Variants in POP4 observed in about 807,000 individuals in gnomAD.
The protein encoded by POP4 is POP4 ribonuclease P/MRP subunit.
Under a neutral mutation model 29.9 loss-of-function variants are expected in POP4, and 31 were observed. The ratio of observed to expected loss-of-function variants is 1.04; its 90% confidence interval spans 0.78 to 1.40. The LOEUF is 1.40. POP4 is among the 40% of genes most tolerant of loss of function. POP4 has a pLI of 0.00. For missense variants in POP4, 286 were observed against 282.7 expected, an observed-to-expected ratio of 1.01 and a Z score of -0.08; for synonymous variants, 110 against 108.2, an observed-to-expected ratio of 1.02 and a Z score of -0.10.
Position 29,615,556 on chromosome 19 carries a change from A to G in POP4, c.*176A>G. ...GGGAAGGTCGCAGCGTACTAAGTGA[A>G]GAAGTCAGAGGACAGAGGAATTTCT... On this transcript the variant is annotated 3_prime_UTR_variant, in exon 7 of 7. Transcript: ENST00000585603. 1.7e-6 allele frequency: 1 copy of G among 587,584 alleles called. No individual in the cohort carries two copies. Among genetic ancestry groups the G allele is most frequent in the Non-Finnish European group, 2.8e-6 (1 of 356,888 alleles). 36.4% of individuals were successfully genotyped at this position (587,584 alleles called of 1,614,324 possible).
At chr19:29,613,780 G>T (rs917145193) in intron 5 of POP4, 91 bp from the exon 6 acceptor site, 1 of 1,517,792 alleles carries the variant, frequency 6.6e-7, no homozygotes, top group South Asian at 1.3e-5. Flanking sequence ...CAGAGGGTGG[G>T]ATCAGCACCC....
intron 2 of POP4, 112 bp from the exon 3 acceptor site, chr19:29,610,297 A>C: frequency 1.0e-6 from 1 of 955,580 alleles, no homozygotes; most frequent in Non-Finnish European, 1.5e-6. Context: ...AGGTAAAGGG[A>C]TGGGCCCCAT....
At chr19:29,614,393 G>A (rs1007047468) in intron 6 of POP4, among the ~76,000 whole-genome samples, 5 of 152,192 alleles carry the variant, frequency 3.3e-5, no homozygotes, top group African/African-American at 4.8e-5. Context: ...GGTTCCATCC[G>A]TGGCCAGCAT....
chr19:29,610,729 A>G lies in POP4; in HGVS notation c.284+97A>G, dbSNP rs530331573. The G allele has an allele frequency of 3.8e-5, 46 of 1,226,628 alleles. No homozygotes were observed. In the South Asian group the frequency reaches 6.2e-4, roughly 17 times the overall value. The allele number at this position is 1,226,628 out of a possible 1,614,324, so 76.0% of individuals were successfully genotyped here. Reference sequence around the variant, plus strand: ...CTGGGGAGGCAGCCTGGCTCCACCTAAGCTAAGGGGGCCTCTCTGTCGTCT... The same window carrying G: ...CTGGGGAGGCAGCCTGGCTCCACCTGAGCTAAGGGGGCCTCTCTGTCGTCT... On this transcript the variant is annotated intron_variant, in intron 3 of 6. Coordinates refer to ENST00000585603, the MANE Select transcript of POP4 (RefSeq NM_006627.3).
At chr19:29,615,169 C>T in intron 6 of POP4, 75 bp from the exon 7 acceptor site, 1 of 1,406,658 alleles carries the variant, frequency 7.1e-7, no homozygotes, top group South Asian at 1.5e-5. Flanking sequence ...GAATAATATT[C>T]TACCTAAAAG....
chr19:29,611,723 C>T (rs1458451427), intron 3 of POP4, 139 bp from the exon 4 acceptor site: 4 of 693,382 alleles, frequency 5.8e-6, no homozygotes, highest in Non-Finnish European at 1.0e-5. Context: ...AGCTCAATTG[C>T]TCATCGTCGG....
chr19:29,612,083 T>G (rs1378756695), intron 4 of POP4, 34 bp from the exon 5 acceptor site: 23 of 1,595,318 alleles, frequency 1.4e-5, no homozygotes, highest in Non-Finnish European at 1.6e-5. Flanking sequence ...CTTTTTATCA[T>G]GATGTAAACC....
At chr19:29,614,264 C>T (rs1971106484) in intron 6 of POP4, among the ~76,000 whole-genome samples, 1 of 152,238 alleles carries the variant, frequency 6.6e-6, no homozygotes, top group Non-Finnish European at 1.5e-5. Flanking sequence ...AGGAGAGGGC[C>T]TCCACCTGCC....
In POP4 at chr19:29,608,267, T is replaced by C. The variant is rs868511557; in HGVS notation, c.8-390T>C. On this transcript the variant is annotated intron_variant, in intron 1 of 6. Transcript: ENST00000585603. ...ATTTTCTTTTCTTTTCTTTTCTTTTTTTTTTTTTTTTTTTTTTGAGACAGA... is the reference window on the plus strand; with the variant it reads ...ATTTTCTTTTCTTTTCTTTTCTTTTCTTTTTTTTTTTTTTTTTGAGACAGA... Among the ~76,000 whole-genome samples, 6 of 125,982 alleles carry C rather than the reference T, an allele frequency of 4.8e-5. No homozygotes were observed. The South Asian group carries it at 8.9e-4, about 19-fold the overall frequency. The allele number at this position is 125,982 out of a possible 152,430, so 82.6% of individuals were successfully genotyped here.
In POP4 at chr19:29,615,428, A is replaced by C; in HGVS notation, c.*48A>C. 6.3e-7 allele frequency: 1 copy of C among 1,587,736 alleles called. No homozygotes were observed. Among genetic ancestry groups the C allele is most frequent in the Non-Finnish European group, 8.6e-7 (1 of 1,163,254 alleles). The stretch of plus-strand genomic sequence containing the variant: ...TGTTTATGACAGCTGAAAACTGGAC[A>C]CTCCCTAAATGTCCACCTTTCAGTG... On this transcript the variant is annotated 3_prime_UTR_variant, in exon 7 of 7. Coordinates refer to ENST00000585603, the MANE Select transcript of POP4 (RefSeq NM_006627.3).
chr19:29,612,072 A>T, intron 4 of POP4, 45 bp from the exon 5 acceptor site: 1 of 1,591,804 alleles, frequency 6.3e-7, no homozygotes, highest in Non-Finnish European at 8.5e-7. Flanking sequence ...TTCTTTTGGA[A>T]CTTTTTATCA....
chr19:29,608,803 TC>T, intron 2 of POP4, 94 bp downstream of exon 2: 1 of 1,181,802 alleles, frequency 8.5e-7, no homozygotes, highest in Non-Finnish European at 1.3e-6. Context: ...AGATGTCCTT[TC>T]CCACATCATA....
rs1453931483 is a variant in POP4 at position 29,615,933 on chromosome 19, A to T, written c.*553A>T. ...TGCTATTTCAGGAAGGTTGAAGAGG[A>T]TTGAAGGGTGAGTTGCTAAGTGACT... On this transcript the variant is annotated 3_prime_UTR_variant, in exon 7 of 7. Coordinates refer to ENST00000585603, the MANE Select transcript of POP4 (RefSeq NM_006627.3). 2 of 152,636 alleles carry T rather than the reference A, an allele frequency of 1.3e-5. No homozygotes were observed. The highest frequency in any genetic ancestry group is 4.8e-5 in the African/African-American group (2 of 41,444). 9.5% of individuals were successfully genotyped at this position (152,636 alleles called of 1,614,324 possible). A position where few individuals can be genotyped will look rare whatever the true frequency, so the allele number is the denominator to read the frequency against.
At position 29,613,679 on chromosome 19, in the gene POP4, C is replaced by T. The variant is rs751913240; in HGVS notation, c.425-192C>T. 92 of 835,264 alleles carry T rather than the reference C, an allele frequency of 1.1e-4. 1 individual carries two copies. The highest frequency in any genetic ancestry group is 1.5e-4 in the Non-Finnish European group (82 of 564,372). The allele number at this position is 835,264 out of a possible 1,614,324, so 51.7% of individuals were successfully genotyped here. On this transcript the variant is annotated intron_variant, in intron 5 of 6. Transcript: ENST00000585603. ...AGGAACAGTCCAGAGGCTGCAAAGC[C>T]CCAGGGGAAGCCTGGATTCTTGTTG...
chr19:29,608,766 T>A, intron 2 of POP4, 57 bp downstream of exon 2: 5 of 1,482,722 alleles, frequency 3.4e-6, no homozygotes, highest in South Asian at 1.1e-5. Context: ...GATGGCTCAG[T>A]AGCTTCTGAG....
chr19:29,608,262 C>CTTTTTTTTTTTTTT lies in POP4; in HGVS notation c.8-386_8-373dup, dbSNP rs1164860504. The stretch of plus-strand genomic sequence containing the variant: ...TAGTTATTTTCTTTTCTTTTCTTTT[C>CTTTTTTTTTTTTTT]TTTTTTTTTTTTTTTTTTTTTTGAG... On this transcript the variant is annotated intron_variant, in intron 1 of 6. Transcript: ENST00000585603. 2.2e-4 allele frequency among the ~76,000 whole-genome samples: 19 copies of CTTTTTTTTTTTTTT among 86,560 alleles called. 1 individual carries two copies. The highest frequency in any genetic ancestry group is 4.6e-4 in the African/African-American group (9 of 19,420). The allele number at this position is 86,560 out of a possible 152,430, so 56.8% of individuals were successfully genotyped here.
intron 5 of POP4, 94 bp downstream of exon 5, chr19:29,612,272 C>A: frequency 8.3e-7 from 1 of 1,203,632 alleles, no homozygotes; most frequent in Non-Finnish European, 1.2e-6. Flanking sequence ...TGGACACACT[C>A]TTTACCGTGT....
chr19:29,612,303 C>T lies in POP4; in HGVS notation c.424+125C>T, dbSNP rs117627903. On this transcript the variant is annotated intron_variant, in intron 5 of 6. Coordinates refer to ENST00000585603, the MANE Select transcript of POP4 (RefSeq NM_006627.3). ...CGTGTGGATTCCCTGAGATGGCCCC[C>T]AGTCACCATCATCCCCACGCTAAGG... The T allele has an allele frequency of 1.8e-3, 1,629 of 888,870 alleles. 40 individuals carry two copies. In the East Asian group the frequency reaches 0.04, roughly 22 times the overall value. The allele number at this position is 888,870 out of a possible 1,614,324, so 55.1% of individuals were successfully genotyped here. A position where few individuals can be genotyped will look rare whatever the true frequency, so the allele number is the denominator to read the frequency against.
At position 29,612,173 on chromosome 19, in the gene POP4, T is replaced by C. The variant is rs1471655673; in HGVS notation, c.419T>C (p.Ile140Thr). The C allele has an allele frequency of 6.2e-7, 1 of 1,607,230 alleles. No homozygotes were observed. Among genetic ancestry groups the C allele is most frequent in the Non-Finnish European group, 8.5e-7 (1 of 1,177,904 alleles). The change falls in exon 5 of 7, where the codon ATT (isoleucine) becomes ACT (threonine). Residue 140 changes from isoleucine (I) to threonine (T), a missense_variant. Physicochemically the swap from Ile to Thr is moderately conservative, Grantham distance 89. Coordinates refer to ENST00000585603, the MANE Select transcript of POP4 (RefSeq NM_006627.3). Reference protein sequence around the residue: ...LLKADLHGAIISVTKSKCPSY... With the variant: ...LLKADLHGAITSVTKSKCPSY... ...AAGGCAGATCTTCACGGGGCTATTA[T>C]TTCAGGTAATTTACCTAAGAGCGTG...
Sources: gnomAD v4.1 joint callset for allele counts (sites outside exome capture counted in the v4.1 genomes callset) on GRCh38, gnomAD v4.1.1 for gene constraint, MANE v1.5 for transcripts, NCBI Gene and HGNC (gene_info 2026-07-23, HGNC 2026-07-21) for gene names.